SEPTIN7: variants seen among roughly 807,000 people sequenced by gnomAD.
SEPTIN7 encodes septin 7.
A neutral mutation model predicts 63.3 loss-of-function variants in SEPTIN7; 10 were observed. That is an observed-to-expected ratio of 0.16 (90% CI 0.10 to 0.27). SEPTIN7 has a LOEUF of 0.27. SEPTIN7 is among the 10% of genes least tolerant of loss of function. The pLI is 1.00. For missense variants in SEPTIN7, 310 were observed against 521.0 expected (o/e 0.59, Z 3.94); for synonymous variants, 131 against 165.3 (o/e 0.79, Z 1.59).
intron 3 of SEPTIN7, among the ~76,000 whole-genome samples, chr7:35,835,531 C>G (rs1051783504): frequency 6.6e-6 from 1 of 152,148 alleles, no homozygotes; most frequent in African/African-American, 2.4e-5. Flanking sequence ...CAAACCCAGT[C>G]TACTGCTCAG....
intron 11 of SEPTIN7, among the ~76,000 whole-genome samples, chr7:35,894,362 A>T (rs1265790218): frequency 6.6e-6 from 1 of 152,146 alleles, no homozygotes; most frequent in Admixed American, 6.6e-5. Context: ...CTTCTCCATC[A>T]GTCATCTTGG....
At position 35,872,723 on chromosome 7, in the gene SEPTIN7, G is replaced by A. The variant is rs1451763008; in HGVS notation, c.334G>A (p.Val112Ile). 6.2e-7 allele frequency: 1 copy of A among 1,612,648 alleles called. No individual in the cohort carries two copies. The highest frequency in any genetic ancestry group is 1.3e-5 in the African/African-American group (1 of 74,880). Reference sequence around the variant, plus strand: ...TGGTGTTCAGTTGCTGCTCACAATAGTTGATACCCCAGGATTTGGAGATGC... The same window carrying A: ...TGGTGTTCAGTTGCTGCTCACAATAATTGATACCCCAGGATTTGGAGATGC... ...EGGVQLLLTI[V>I]DTPGFGDAVD... The change falls in exon 5 of 14, where the codon GTT (valine) becomes ATT (isoleucine). Residue 112 changes from valine to isoleucine, a missense_variant. Val to Ile is a conservative substitution (Grantham distance 29). Around this residue, in one of 2 missense-constraint regions of SEPTIN7, gnomAD observed 255 missense variants for 490.5 expected, o/e 0.52. Coordinates refer to ENST00000350320, the MANE Select transcript of SEPTIN7 (RefSeq NM_001788.6).
intron 3 of SEPTIN7, among the ~76,000 whole-genome samples, chr7:35,858,018 C>G (rs1251161621): frequency 6.6e-6 from 1 of 152,124 alleles, no homozygotes; most frequent in Non-Finnish European, 1.5e-5. Context: ...TCTCAGCTCA[C>G]TGCAGCCTCT....
downstream of SEPTIN7, among the ~76,000 whole-genome samples, chr7:35,907,662 AT>A (rs1314809278): frequency 6.6e-6 from 1 of 152,134 alleles, no homozygotes; most frequent in East Asian, 1.9e-4. Flanking sequence ...ACACTGCCAC[AT>A]TTCTGAAGCA....
intron 3 of SEPTIN7, chr7:35,846,854 TC>T (rs947686689): frequency 2.0e-4 from 30 of 152,454 alleles, no homozygotes; most frequent in African/African-American, 6.5e-4. Flanking sequence ...GGCCCAGAGT[TC>T]CTGGCTTGGG....
rs532419686 is a variant in SEPTIN7 at position 35,872,770 on chromosome 7, A to T, written c.377+4A>T. 5.7e-5 allele frequency: 91 copies of T among 1,600,798 alleles called. No individual in the cohort carries two copies. The South Asian group carries it at 9.6e-4, about 17-fold the overall frequency. ...ATGCAGTGGATAATAGTAATTGGTA[A>T]GAAGGGTTTGTCCTCACAACTTTGC... On this transcript the variant is annotated splice_donor_region_variant and intron_variant, in intron 5 of 13. Transcript: ENST00000350320.
chr7:35,913,553 T>G, the SEPTIN7 span, among the ~76,000 whole-genome samples: 1 of 149,770 alleles, frequency 6.7e-6, no homozygotes, highest in African/African-American at 2.5e-5. Flanking sequence ...CTTTCCTTCC[T>G]TCCTTCCTTC....
chr7:35,880,525 G>T (rs749282312), intron 7 of SEPTIN7, among the ~76,000 whole-genome samples: 1 of 151,174 alleles, frequency 6.6e-6, no homozygotes, highest in Non-Finnish European at 1.5e-5. Context: ...CCCCCTTTTT[G>T]TAAACATCTG....
At chr7:35,913,430 T>C in the SEPTIN7 span, among the ~76,000 whole-genome samples, 2 of 152,072 alleles carry the variant, frequency 1.3e-5, no homozygotes, top group Non-Finnish European at 2.9e-5. Flanking sequence ...TTTTTCTCTC[T>C]CTTTCTTTCT....
chr7:35,848,705 C>G (rs1369898965), intron 3 of SEPTIN7, among the ~76,000 whole-genome samples: 1 of 152,104 alleles, frequency 6.6e-6, no homozygotes, highest in Admixed American at 6.5e-5. Context: ...CTAACCTAAC[C>G]TAGGTCAGGC....
Position 35,905,936 on chromosome 7 carries a change from G to A in SEPTIN7, c.*1643G>A, listed in dbSNP as rs551420363. On this transcript the variant is annotated 3_prime_UTR_variant, in exon 14 of 14. Coordinates refer to ENST00000350320, the MANE Select transcript of SEPTIN7 (RefSeq NM_001788.6). The stretch of plus-strand genomic sequence containing the variant: ...GTAGCCTAGTTTATTATCTTGAAAT[G>A]TTTTACCCTATTTACTTTTTAAAAT... 6.6e-6 allele frequency: 1 copy of A among 152,260 alleles called. No individual in the cohort carries two copies. Among genetic ancestry groups the A allele is most frequent in the African/African-American group, 2.4e-5 (1 of 41,570 alleles). The allele number at this position is 152,260 out of a possible 1,614,324, so 9.4% of individuals were successfully genotyped here.
intron 3 of SEPTIN7, among the ~76,000 whole-genome samples, chr7:35,849,469 G>A (rs925797812): frequency 6.6e-6 from 1 of 152,188 alleles, no homozygotes; most frequent in African/African-American, 2.4e-5. Context: ...AGGAGGCGGA[G>A]CTCTGGCAGT....
chr7:35,876,121 A>G (rs180908289), intron 6 of SEPTIN7, among the ~76,000 whole-genome samples: 75 of 152,186 alleles, frequency 4.9e-4, no homozygotes, highest in African/African-American at 1.8e-3. Flanking sequence ...ACTGACTTAA[A>G]TGTTCTTTGA....
intron 1 of SEPTIN7, among the ~76,000 whole-genome samples, chr7:35,804,835 GT>G (rs57782019): frequency 2.1e-3 from 253 of 123,298 alleles, no homozygotes; most frequent in African/African-American, 5.2e-3. Flanking sequence ...TTCTTTTTTT[GT>G]TTTTTTTTTT....
Position 35,906,211 on chromosome 7 carries a change from TATA to T in SEPTIN7, c.*1926_*1928del, listed in dbSNP as rs1296318585. On this transcript the variant is annotated 3_prime_UTR_variant, in exon 14 of 14. Transcript: ENST00000350320. ...AATACTATTTCAAAATTCTATGTATTATAATAATAAATTTGTAAGACATTCATT... is the reference window on the plus strand; with the variant it reads ...AATACTATTTCAAAATTCTATGTATTATAATAAATTTGTAAGACATTCATT... 9.2e-5 allele frequency: 14 copies of T among 152,240 alleles called. No individual in the cohort carries two copies. Among genetic ancestry groups the T allele is most frequent in the East Asian group, 3.8e-4 (2 of 5,206 alleles). 9.4% of individuals were successfully genotyped at this position (152,240 alleles called of 1,614,324 possible).
chr7:35,857,802 A>G (rs547313165), intron 3 of SEPTIN7, among the ~76,000 whole-genome samples: 1 of 152,288 alleles, frequency 6.6e-6, no homozygotes, highest in South Asian at 2.1e-4. Context: ...TTGATAGTAG[A>G]TAGTAGTATG....
At chr7:35,806,704 A>G (rs1409391994) in intron 1 of SEPTIN7, among the ~76,000 whole-genome samples, 1 of 152,206 alleles carries the variant, frequency 6.6e-6, no homozygotes, top group Non-Finnish European at 1.5e-5. Context: ...CTACTGCCCC[A>G]GGTAACCACT....
chr7:35,833,549 A>G (rs771674369), intron 3 of SEPTIN7, among the ~76,000 whole-genome samples: 4 of 152,014 alleles, frequency 2.6e-5, no homozygotes, highest in South Asian at 2.1e-4. Flanking sequence ...TTTCCCATCT[A>G]TAAGATTAGT....
the SEPTIN7 span, among the ~76,000 whole-genome samples, chr7:35,912,669 G>A: frequency 6.6e-6 from 1 of 152,134 alleles, no homozygotes; most frequent in African/African-American, 2.4e-5. Flanking sequence ...GACCTTCCTG[G>A]CATCAGAAAA....
Sources: gnomAD v4.1 joint callset for allele counts (sites outside exome capture counted in the v4.1 genomes callset) on GRCh38, gnomAD v4.1.1 for gene constraint, gnomAD v4.1.1 regional missense constraint, MANE v1.5 for transcripts, NCBI Gene and HGNC (gene_info 2026-07-23, HGNC 2026-07-21) for gene names.